PRKG1: variants seen among roughly 807,000 people sequenced by gnomAD.
PRKG1 encodes protein kinase cGMP-dependent 1, also known as cGMP-dependent protein kinase 1.
PRKG1 carries 35 observed loss-of-function variants against 88.1 expected under a neutral mutation model. The ratio of observed to expected loss-of-function variants is 0.40; its 90% confidence interval spans 0.30 to 0.53. The LOEUF (loss-of-function observed/expected upper bound fraction) is 0.53. PRKG1 is among the 20% of genes least tolerant of loss of function. The pLI is 0.59. For missense variants in PRKG1, 540 were observed against 839.8 expected, an observed-to-expected ratio of 0.64 and a Z score of 4.41; for synonymous variants, 303 against 292.5, an observed-to-expected ratio of 1.04 and a Z score of -0.37.
Position 51,103,086 on chromosome 10 carries a change from T to C in PRKG1, c.311+28185T>C, listed in dbSNP as rs116164571. Among the ~76,000 whole-genome samples, 1,251 of 151,906 alleles carry C rather than the reference T, an allele frequency of 8.2e-3. 19 individuals are homozygous for C. Among genetic ancestry groups the C allele is most frequent in the African/African-American group, 0.029 (1,210 of 41,434 alleles). ...TGAAAAACTCAATTAAGATATGGAATTGAGAAAATCTTCTAGAACATTGAA... is the reference window on the plus strand; with the variant it reads ...TGAAAAACTCAATTAAGATATGGAACTGAGAAAATCTTCTAGAACATTGAA... On this transcript the variant is annotated intron_variant, in intron 1 of 17. Coordinates refer to ENST00000373980, the MANE Select transcript of PRKG1 (RefSeq NM_006258.4).
intron 3 of PRKG1, among the ~76,000 whole-genome samples, chr10:51,772,409 A>T (rs1473723737): frequency 6.6e-6 from 1 of 152,166 alleles, no homozygotes; most frequent in African/African-American, 2.4e-5. Flanking sequence ...GGAACAAAGA[A>T]ATTAAAAACT....
At chr10:51,945,704 T>C (rs1435254300) in intron 5 of PRKG1, among the ~76,000 whole-genome samples, 2 of 149,982 alleles carry the variant, frequency 1.3e-5, no homozygotes, top group Non-Finnish European at 3.0e-5. Context: ...TTATTTCTCC[T>C]TCACTTATGA....
rs375678645 is a variant in PRKG1, at chr10:52,166,839, G to GTATATATATATATGTATATATATGTATA, written c.1076+4885_1076+4886insATATGTATATATATGTATATATATATAT. Among the ~76,000 whole-genome samples, 80 of 90,478 alleles carry GTATATATATATATGTATATATATGTATA rather than the reference G, an allele frequency of 8.8e-4. 1 individual carries two copies. Among genetic ancestry groups the GTATATATATATATGTATATATATGTATA allele is most frequent in the South Asian group, 7.2e-3 (17 of 2,372 alleles). The allele number at this position is 90,478 out of a possible 152,430, so 59.4% of individuals were successfully genotyped here. A position where few individuals can be genotyped will look rare whatever the true frequency, so the allele number is the denominator to read the frequency against. ...TATATGTATATATATGTATATATAT[G>GTATATATATATATGTATATATATGTATA]TATATATATGTCTATATATATATCT... On this transcript the variant is annotated intron_variant, in intron 9 of 17. Transcript: ENST00000373980.
chr10:51,244,172 T>C, intron 2 of PRKG1, among the ~76,000 whole-genome samples: 1 of 152,288 alleles, frequency 6.6e-6, no homozygotes, highest in Non-Finnish European at 1.5e-5. Context: ...TCATAGATAC[T>C]TTACATAAAA....
intron 4 of PRKG1, among the ~76,000 whole-genome samples, chr10:51,824,350 A>C (rs1564662515): frequency 6.6e-6 from 1 of 152,164 alleles, no homozygotes; most frequent in Non-Finnish European, 1.5e-5. Flanking sequence ...AACTAGAGTA[A>C]CTTAGTGTTG....
chr10:51,081,754 ATGAT>A (rs552328548), intron 1 of PRKG1, among the ~76,000 whole-genome samples: 1 of 152,146 alleles, frequency 6.6e-6, no homozygotes, highest in African/African-American at 2.4e-5. Flanking sequence ...CATTGATTGA[ATGAT>A]TGATTGATTG....
intron 5 of PRKG1, among the ~76,000 whole-genome samples, chr10:52,005,886 G>A (rs747444623): frequency 6.6e-6 from 1 of 151,738 alleles, no homozygotes; most frequent in Non-Finnish European, 1.5e-5. Flanking sequence ...GCAGATCAGG[G>A]CCAACCTGGC....
At chr10:52,042,931 T>C (rs954499750) in intron 5 of PRKG1, among the ~76,000 whole-genome samples, 1 of 152,156 alleles carries the variant, frequency 6.6e-6, no homozygotes, top group Non-Finnish European at 1.5e-5. Flanking sequence ...AAATAGTCAT[T>C]TCTCAAAGGA....
chr10:52,121,454 T>A (rs1352372247), intron 7 of PRKG1, among the ~76,000 whole-genome samples: 1 of 152,242 alleles, frequency 6.6e-6, no homozygotes, highest in Non-Finnish European at 1.5e-5. Flanking sequence ...ATTCTGCTTC[T>A]GTTTTAATTA....
intron 5 of PRKG1, among the ~76,000 whole-genome samples, chr10:51,958,243 C>T (rs1843359883): frequency 6.6e-6 from 1 of 152,082 alleles, no homozygotes; most frequent in Admixed American, 6.6e-5. Flanking sequence ...TCACTCAGGC[C>T]TCCTGGGCCA....
chr10:51,759,302 TG>T (rs1055819151), intron 3 of PRKG1, among the ~76,000 whole-genome samples: 3 of 152,098 alleles, frequency 2.0e-5, no homozygotes, highest in Non-Finnish European at 4.4e-5. Flanking sequence ...AGTCTTGCTG[TG>T]TCGCCCAGGC....
At chr10:52,185,050 A>C (rs1589683124) in intron 9 of PRKG1, 1 of 152,162 alleles carries the variant, frequency 6.6e-6, no homozygotes, top group Non-Finnish European at 1.5e-5. Flanking sequence ...ATGTCCTCAC[A>C]TTGCAAAATA....
At chr10:51,863,506 T>C (rs1020673170) in intron 4 of PRKG1, among the ~76,000 whole-genome samples, 5 of 152,218 alleles carry the variant, frequency 3.3e-5, no homozygotes, top group African/African-American at 1.2e-4. Context: ...TTTAAGTCAT[T>C]GCTGTGGTTT....
chr10:52,270,759 T>C (rs1841704613), intron 10 of PRKG1, among the ~76,000 whole-genome samples: 1 of 149,832 alleles, frequency 6.7e-6, no homozygotes, highest in Admixed American at 6.7e-5. Flanking sequence ...TTAGGAGATA[T>C]ACCTAATACT....
chr10:51,208,845 G>A (rs1008395113), intron 2 of PRKG1, among the ~76,000 whole-genome samples: 1 of 152,156 alleles, frequency 6.6e-6, no homozygotes, highest in Admixed American at 6.6e-5. Flanking sequence ...GCCTCGAATG[G>A]AATAGGACTA....
Position 52,191,867 on chromosome 10 carries a change from T to TGGA in PRKG1, c.1076+29904_1076+29905insGGA, listed in dbSNP as rs1428728698. Among the ~76,000 whole-genome samples the TGGA allele has an allele frequency of 1.1e-3, 172 of 152,310 alleles. 1 individual carries two copies. Among genetic ancestry groups the TGGA allele is most frequent in the African/African-American group, 4.1e-3 (169 of 41,580 alleles). On this transcript the variant is annotated intron_variant, in intron 9 of 17. Transcript: ENST00000373980. ...AATAGAATTATTATCCAATTTATTT[T>TGGA]TTTCTTTGTATTTATTCCATCTATT...
Position 51,133,722 on chromosome 10 carries a change from C to T in PRKG1, c.312-19442C>T, listed in dbSNP as rs1448753491. Among the ~76,000 whole-genome samples the T allele has an allele frequency of 5.9e-5, 9 of 152,188 alleles. No individual in the cohort carries two copies. The East Asian group carries it at 1.7e-3, about 29-fold the overall frequency. On this transcript the variant is annotated intron_variant, in intron 1 of 17. Transcript: ENST00000373980. The stretch of plus-strand genomic sequence containing the variant: ...TCCTTATCCCCTACAAGCTTTTATA[C>T]ATGATTTTAATATCAAAGGGAAGAT...
chr10:52,202,468 T>A (rs538424231), intron 9 of PRKG1, among the ~76,000 whole-genome samples: 1 of 152,276 alleles, frequency 6.6e-6, no homozygotes, highest in Admixed American at 6.5e-5. Context: ...TCTATGTTCA[T>A]CAAGGATATT....
intron 1 of PRKG1, among the ~76,000 whole-genome samples, chr10:51,136,032 G>A (rs1339568909): frequency 1.3e-5 from 2 of 151,362 alleles, no homozygotes; most frequent in African/African-American, 2.4e-5. Flanking sequence ...ACGAGTTAAT[G>A]GGTGCAGCAC....
Sources: gnomAD v4.1 joint callset for allele counts (sites outside exome capture counted in the v4.1 genomes callset) on GRCh38, gnomAD v4.1.1 for gene constraint, MANE v1.5 for transcripts, NCBI Gene and HGNC (gene_info 2026-07-23, HGNC 2026-07-21) for gene names.